HDAC9: variants seen among roughly 807,000 people sequenced by gnomAD.
The protein encoded by HDAC9 is histone deacetylase 9.
Under a neutral mutation model 139.4 loss-of-function variants are expected in HDAC9, and 41 were observed. The ratio of observed to expected loss-of-function variants is 0.29; its 90% confidence interval spans 0.23 to 0.38. The LOEUF (loss-of-function observed/expected upper bound fraction) is 0.38. Among genes scored for constraint, HDAC9 ranks in the 10% least tolerant of loss-of-function variants. HDAC9 has a pLI of 1.00. For synonymous variants in HDAC9, 517 were observed against 476.2 expected (o/e 1.09, Z -1.12); for missense variants, 1,147 against 1,297.0 (o/e 0.88, Z 1.78).
intron 1 of HDAC9, chr7:18,151,965 A>G (rs1786813163): frequency 6.6e-6 from 1 of 152,188 alleles, no homozygotes; most frequent in Non-Finnish European, 1.5e-5. Context: ...AAAGGAGGAC[A>G]TTTTTACCAC....
chr7:18,797,598 CG>C (rs1335155940), intron 17 of HDAC9, among the ~76,000 whole-genome samples: 1 of 151,994 alleles, frequency 6.6e-6, no homozygotes, highest in Admixed American at 6.6e-5. Context: ...GAGGCTGAGG[CG>C]GGTGGATGAC....
At chr7:18,656,711 A>C (rs1470250647) in intron 11 of HDAC9, among the ~76,000 whole-genome samples, 1 of 152,138 alleles carries the variant, frequency 6.6e-6, no homozygotes, top group Admixed American at 6.6e-5. Flanking sequence ...TATTCTTCCA[A>C]ATCTTAGCTA....
chr7:18,836,239 A>C (rs1350704965), intron 21 of HDAC9, among the ~76,000 whole-genome samples: 1 of 152,212 alleles, frequency 6.6e-6, no homozygotes, highest in Admixed American at 6.5e-5. Context: ...TTTTATTATT[A>C]AATAGTTCTC....
chr7:18,103,251 T>C (rs1037050594), intron 1 of HDAC9, among the ~76,000 whole-genome samples: 2 of 152,126 alleles, frequency 1.3e-5, no homozygotes, highest in African/African-American at 4.8e-5. Context: ...CCTTAACACA[T>C]GGGGATTATT....
upstream of HDAC9, chr7:18,290,288 A>T (rs182764178): frequency 1.5e-3 from 547 of 353,806 alleles, no homozygotes; most frequent in Non-Finnish European, 2.5e-3. Flanking sequence ...CAGTCTTTAT[A>T]AAGTCGTTCA....
At chr7:18,546,684 A>G (rs1465427219) in intron 2 of HDAC9, among the ~76,000 whole-genome samples, 1 of 152,168 alleles carries the variant, frequency 6.6e-6, no homozygotes, top group Non-Finnish European at 1.5e-5. Context: ...TATTTTCCCT[A>G]TTAATAATGT....
chr7:18,289,208 T>C (rs1377475619), upstream of HDAC9, among the ~76,000 whole-genome samples: 1 of 152,198 alleles, frequency 6.6e-6, no homozygotes, highest in African/African-American at 2.4e-5. Context: ...CAAGAGAAAC[T>C]ATTGGAGAGA....
At chr7:18,357,139 T>C (rs1181854033) in intron 1 of HDAC9, among the ~76,000 whole-genome samples, 3 of 152,128 alleles carry the variant, frequency 2.0e-5, no homozygotes, top group Non-Finnish European at 4.4e-5. Flanking sequence ...TAGGATTTAT[T>C]GGAGTTGATT....
chr7:18,940,468 TATCAGTCCA>T (rs778502975), intron 23 of HDAC9, among the ~76,000 whole-genome samples: 2 of 152,174 alleles, frequency 1.3e-5, no homozygotes, highest in Non-Finnish European at 2.9e-5. Context: ...AACTTAGATT[TATCAGTCCA>T]ATCAGTGCAT....
intron 1 of HDAC9, among the ~76,000 whole-genome samples, chr7:18,426,126 C>G (rs1240147930): frequency 6.6e-6 from 1 of 152,178 alleles, no homozygotes; most frequent in Non-Finnish European, 1.5e-5. Flanking sequence ...ATAAATCAAG[C>G]ATAATTATGA....
intron 17 of HDAC9, among the ~76,000 whole-genome samples, chr7:18,798,743 G>A (rs1217795610): frequency 1.3e-5 from 2 of 152,062 alleles, no homozygotes; most frequent in Non-Finnish European, 2.9e-5. Context: ...TCAACTTTAT[G>A]GCTGCTTGAG....
chr7:18,524,428 C>A (rs1395948344), intron 2 of HDAC9, among the ~76,000 whole-genome samples: 1 of 152,034 alleles, frequency 6.6e-6, no homozygotes, highest in African/African-American at 2.4e-5. Flanking sequence ...ATGAGGCCTG[C>A]AGTCAGCTGT....
chr7:18,885,942 A>G (rs1202590071), intron 22 of HDAC9, among the ~76,000 whole-genome samples: 1 of 152,170 alleles, frequency 6.6e-6, no homozygotes. Flanking sequence ...TCAAGCAAGT[A>G]CATGGCTTCC....
At chr7:18,588,202 A>G (rs895699298) in intron 3 of HDAC9, among the ~76,000 whole-genome samples, 1 of 152,180 alleles carries the variant, frequency 6.6e-6, no homozygotes, top group Admixed American at 6.5e-5. Flanking sequence ...CATTCCATAT[A>G]ATAGCTTTTT....
chr7:18,889,681 A>G (rs1378139667), intron 22 of HDAC9, among the ~76,000 whole-genome samples: 1 of 152,120 alleles, frequency 6.6e-6, no homozygotes, highest in Non-Finnish European at 1.5e-5. Flanking sequence ...GGACCAACAC[A>G]TGGGTCTGCC....
intron 12 of HDAC9, among the ~76,000 whole-genome samples, chr7:18,717,611 A>G (rs1206214296): frequency 1.3e-5 from 2 of 152,026 alleles, no homozygotes; most frequent in East Asian, 1.9e-4. Context: ...CTGTATTTTT[A>G]GTGGAGATGG....
intron 1 of HDAC9, among the ~76,000 whole-genome samples, chr7:18,362,025 T>C (rs1410583311): frequency 6.6e-6 from 1 of 152,186 alleles, no homozygotes; most frequent in Non-Finnish European, 1.5e-5. Context: ...CTTACTGCTT[T>C]CCCTGCTCCT....
chr7:18,238,753 G>A (rs1020993411), intron 2 of HDAC9, among the ~76,000 whole-genome samples: 2 of 152,174 alleles, frequency 1.3e-5, no homozygotes, highest in Non-Finnish European at 2.9e-5. Flanking sequence ...TGATGAAATT[G>A]CACCCCTAGC....
chr7:18,749,159 C>T lies in HDAC9; in HGVS notation c.2043+21C>T, dbSNP rs773833761. 9.3e-6 allele frequency: 15 copies of T among 1,611,416 alleles called. No homozygotes were observed. The South Asian group carries it at 1.3e-4, about 14-fold the overall frequency. On this transcript the variant is annotated intron_variant, in intron 14 of 25. Coordinates refer to ENST00000686413, the MANE Select transcript of HDAC9 (RefSeq NM_178425.4). ...GTGAGGTAATCCAGAATTGGACACA[C>T]TCTTTTACTTACTTAAATAAATCAT...
Sources: gnomAD v4.1 joint callset for allele counts (sites outside exome capture counted in the v4.1 genomes callset) on GRCh38, gnomAD v4.1.1 for gene constraint, MANE v1.5 for transcripts, NCBI Gene and HGNC (gene_info 2026-07-23, HGNC 2026-07-21) for gene names.